DNAAF9: variants seen among roughly 807,000 people sequenced by gnomAD.
DNAAF9 encodes the protein dynein axonemal assembly factor 9, also known as shulin.
Under a neutral mutation model 167.0 loss-of-function variants are expected in DNAAF9, and 90 were observed. The observed-to-expected ratio is 0.54, with a 90% confidence interval of 0.45 to 0.64. The LOEUF (loss-of-function observed/expected upper bound fraction) is 0.64. Ranked by LOEUF, DNAAF9 falls within the 30% of genes least tolerant of loss-of-function variation. DNAAF9 has a pLI of 0.00. For synonymous variants in DNAAF9, 491 were observed against 508.8 expected (o/e 0.96, Z 0.47); for missense variants, 1,315 against 1,442.2 (o/e 0.91, Z 1.43).
intron 33 of DNAAF9, among the ~76,000 whole-genome samples, chr20:3,257,527 G>A (rs973654130): frequency 1.3e-5 from 2 of 151,908 alleles, no homozygotes; most frequent in Admixed American, 6.6e-5. Flanking sequence ...ATAAAAAGAA[G>A]AAAGAAATAA....
At chr20:3,386,274 A>C (rs1230341977) in intron 1 of DNAAF9, among the ~76,000 whole-genome samples, 1 of 152,228 alleles carries the variant, frequency 6.6e-6, no homozygotes, top group African/African-American at 2.4e-5. Flanking sequence ...GTACTGGCTA[A>C]GGGACAGACA....
chr20:3,253,951 C>G, intron 35 of DNAAF9, 132 bp from the exon 36 acceptor site: 1 of 618,766 alleles, frequency 1.6e-6, no homozygotes, highest in Non-Finnish European at 2.9e-6. Context: ...GAAGCTAACA[C>G]CCCCGGCAAA....
intron 10 of DNAAF9, among the ~76,000 whole-genome samples, chr20:3,336,834 C>T (rs890818594): frequency 2.6e-5 from 4 of 151,820 alleles, no homozygotes; most frequent in South Asian, 4.2e-4. Flanking sequence ...TAAGCCACCG[C>T]GCCTGGTCTA....
At chr20:3,336,259 T>G (rs1021342282) in intron 10 of DNAAF9, among the ~76,000 whole-genome samples, 25 of 38,962 alleles carry the variant, frequency 6.4e-4, no homozygotes, top group Non-Finnish European at 1.1e-3. Flanking sequence ...TGCGTTTTTG[T>G]TTTTTTTTTT....
intron 6 of DNAAF9, among the ~76,000 whole-genome samples, chr20:3,370,316 T>G (rs2083490388): frequency 6.6e-6 from 1 of 152,164 alleles, no homozygotes; most frequent in Non-Finnish European, 1.5e-5. Context: ...AGTGGTTCAA[T>G]CAGCCCACTG....
chr20:3,376,939 C>T (rs552799170), intron 3 of DNAAF9, among the ~76,000 whole-genome samples: 46 of 152,180 alleles, frequency 3.0e-4, no homozygotes, highest in African/African-American at 8.2e-4. Context: ...TGTGGTGGCG[C>T]GCACCTGTAA....
At chr20:3,394,186 A>C (rs1269735784) in intron 1 of DNAAF9, among the ~76,000 whole-genome samples, 2 of 152,052 alleles carry the variant, frequency 1.3e-5, no homozygotes, top group African/African-American at 4.8e-5. Context: ...AAAAATACAA[A>C]AATTTGCTGG....
At chr20:3,294,958 C>T (rs11087575) in intron 23 of DNAAF9, among the ~76,000 whole-genome samples, 25,136 of 151,604 alleles carry the variant, frequency 0.17, 2,240 homozygotes, top group Non-Finnish European at 0.19. Flanking sequence ...CTCCGCCTCC[C>T]GGGTTCACGC....
chr20:3,263,583 C>T (rs570509748), intron 31 of DNAAF9, among the ~76,000 whole-genome samples: 2 of 152,266 alleles, frequency 1.3e-5, no homozygotes, highest in Non-Finnish European at 2.9e-5. Flanking sequence ...CTCTTTGCTG[C>T]CCCTGGTACC....
At chr20:3,303,098 C>T (rs1211830237) in intron 21 of DNAAF9, among the ~76,000 whole-genome samples, 1 of 151,844 alleles carries the variant, frequency 6.6e-6, no homozygotes, top group Non-Finnish European at 1.5e-5. Flanking sequence ...CAAAATTAGC[C>T]GGGCGTGGTG....
chr20:3,314,843 G>C (rs939872247), intron 20 of DNAAF9, among the ~76,000 whole-genome samples, 190 bp downstream of exon 20: 1 of 152,212 alleles, frequency 6.6e-6, no homozygotes, highest in African/African-American at 2.4e-5. Flanking sequence ...ACAGTTCTGT[G>C]ATCAGCCCTT....
chr20:3,301,407 C>T (rs1365621602), intron 21 of DNAAF9, among the ~76,000 whole-genome samples: 18 of 152,130 alleles, frequency 1.2e-4, no homozygotes, highest in Non-Finnish European at 2.5e-4. Context: ...AGGCTGGTCT[C>T]GAACTCCTGA....
intron 28 of DNAAF9, 128 bp downstream of exon 28, chr20:3,281,513 C>A: frequency 5.0e-6 from 4 of 807,816 alleles, no homozygotes; most frequent in African/African-American, 3.5e-5. Context: ...TATTGAGGAC[C>A]TAGCACTAAT....
intron 16 of DNAAF9, among the ~76,000 whole-genome samples, chr20:3,321,335 T>C (rs531583563): frequency 5.3e-5 from 8 of 152,308 alleles, no homozygotes; most frequent in Admixed American, 3.9e-4. Context: ...CTAGCTGGTA[T>C]AGTCTATTGC....
At chr20:3,264,359 C>CCCT in intron 31 of DNAAF9, 79 bp downstream of exon 31, 1 of 729,890 alleles carries the variant, frequency 1.4e-6, no homozygotes, top group Non-Finnish European at 2.4e-6. Flanking sequence ...TTCACCTTCT[C>CCCT]TCTTTTTTTT....
chr20:3,285,673 T>C (rs2236096), intron 27 of DNAAF9, among the ~76,000 whole-genome samples: 34,925 of 118,408 alleles, frequency 0.29, 4,872 homozygotes, highest in African/African-American at 0.43. Flanking sequence ...AGTGAGACTC[T>C]GTCTCATTAA....
intron 14 of DNAAF9, among the ~76,000 whole-genome samples, chr20:3,323,484 GT>G (rs1435233798): frequency 6.6e-6 from 1 of 151,958 alleles, no homozygotes; most frequent in African/African-American, 2.4e-5. Context: ...GTTTTGCCAT[GT>G]TGGTCAGGAT....
chr20:3,364,257 G>A (rs1364556871), intron 6 of DNAAF9, among the ~76,000 whole-genome samples: 2 of 152,054 alleles, frequency 1.3e-5, no homozygotes, highest in African/African-American at 4.8e-5. Context: ...ATTATCAATT[G>A]TGTTTTCCTG....
intron 7 of DNAAF9, among the ~76,000 whole-genome samples, chr20:3,349,637 T>C (rs942529631): frequency 6.6e-6 from 1 of 152,302 alleles, no homozygotes; most frequent in East Asian, 1.9e-4. Flanking sequence ...CTGACTCTCC[T>C]CTACATACAG....
Sources: allele counts gnomAD v4.1 joint callset (sites outside exome capture counted in the v4.1 genomes callset), GRCh38; gene constraint gnomAD v4.1.1; transcripts MANE v1.5; gene names NCBI Gene and HGNC (gene_info 2026-07-23, HGNC 2026-07-21).